Variants in ITPR2 observed in about 807,000 individuals in gnomAD.
ITPR2 encodes inositol 1,4,5-trisphosphate receptor type 2, also known as inositol 1,4,5-trisphosphate-gated calcium channel ITPR2.
Under a neutral mutation model 317.1 loss-of-function variants are expected in ITPR2, and 207 were observed. The observed-to-expected ratio is 0.65, with a 90% CI of 0.58 to 0.73. ITPR2 has a LOEUF of 0.73. ITPR2 is among the 30% of genes least tolerant of loss of function. The pLI, the probability that ITPR2 is intolerant of heterozygous loss-of-function variation, is 0.00. For synonymous variants in ITPR2, 1,156 were observed against 1,149.1 expected, an observed-to-expected ratio of 1.01 and a Z score of -0.12; for missense variants, 2,613 against 3,284.0, an observed-to-expected ratio of 0.80 and a Z score of 4.99.
At chr12:26,668,936 T>A (rs902804730) in intron 13 of ITPR2, among the ~76,000 whole-genome samples, 2 of 151,960 alleles carry the variant, frequency 1.3e-5, no homozygotes, top group East Asian at 1.9e-4. Context: ...CAGGGCAACA[T>A]AGTGAAACCC....
chr12:26,365,909 A>G (rs1177849417), intron 55 of ITPR2, among the ~76,000 whole-genome samples: 2 of 152,206 alleles, frequency 1.3e-5, no homozygotes, highest in African/African-American at 2.4e-5. Flanking sequence ...ATTCTTGCAC[A>G]CTGTCAAATT....
At chr12:26,673,678 T>A (rs1208606784) in intron 13 of ITPR2, among the ~76,000 whole-genome samples, 2 of 151,316 alleles carry the variant, frequency 1.3e-5, no homozygotes, top group Admixed American at 1.3e-4. Flanking sequence ...CAACATAGTG[T>A]TGGAAGTTCT....
chr12:26,442,835 A>G (rs145701018), intron 46 of ITPR2, among the ~76,000 whole-genome samples: 3,925 of 152,264 alleles, frequency 0.026, 72 homozygotes, highest in Non-Finnish European at 0.04. Flanking sequence ...ATATCTGCCA[A>G]AATGAATGAA....
At chr12:26,431,338 T>A (rs142188356) in intron 48 of ITPR2, among the ~76,000 whole-genome samples, 1 of 152,200 alleles carries the variant, frequency 6.6e-6, no homozygotes, top group Non-Finnish European at 1.5e-5. Flanking sequence ...TGGGTAGGGA[T>A]ATCTGGCGTG....
At position 26,484,341 on chromosome 12, in the gene ITPR2, T is replaced by A. The variant is rs114691211; in HGVS notation, c.5812-443A>T. Among the ~76,000 whole-genome samples, 523 of 152,152 alleles carry A rather than the reference T, an allele frequency of 3.4e-3. 4 individuals are homozygous for A. Among genetic ancestry groups the A allele is most frequent in the African/African-American group, 0.012 (503 of 41,524 alleles). On this transcript the variant is annotated intron_variant, in intron 41 of 56. Coordinates refer to ENST00000381340, the MANE Select transcript of ITPR2 (RefSeq NM_002223.4). ...AAATTTTCAATTATAAATAATCTCA[T>A]ATGAACAGTGCAACTTCATTGTTCA...
intron 52 of ITPR2, among the ~76,000 whole-genome samples, chr12:26,405,200 A>G (rs1452531456): frequency 1.3e-5 from 2 of 152,166 alleles, no homozygotes; most frequent in Non-Finnish European, 2.9e-5. Context: ...TGTTGCTTAT[A>G]AACAAAAGTA....
intron 32 of ITPR2, among the ~76,000 whole-genome samples, chr12:26,582,419 C>A (rs1406707197): frequency 6.6e-6 from 1 of 152,164 alleles, no homozygotes; most frequent in African/African-American, 2.4e-5. Flanking sequence ...ATATTATTCA[C>A]ATAACATTCT....
chr12:26,509,674 T>G (rs1435647971), intron 37 of ITPR2, among the ~76,000 whole-genome samples: 1 of 152,134 alleles, frequency 6.6e-6, no homozygotes, highest in Non-Finnish European at 1.5e-5. Flanking sequence ...TATGTGTCAA[T>G]TAGGAGCCAA....
chr12:26,653,917 T>C, intron 21 of ITPR2, 59 bp downstream of exon 21: 1 of 1,466,562 alleles, frequency 6.8e-7, no homozygotes, highest in African/African-American at 1.4e-5. Context: ...TGTAGTTTTG[T>C]TTTTTATCTT....
chr12:26,812,688 A>G (rs1315469926), intron 1 of ITPR2, among the ~76,000 whole-genome samples: 1 of 152,256 alleles, frequency 6.6e-6, no homozygotes, highest in Admixed American at 6.5e-5. Flanking sequence ...TTAACTCCAA[A>G]GGACCACTGA....
chr12:26,355,347 C>T (rs1938603521), intron 55 of ITPR2, among the ~76,000 whole-genome samples: 2 of 152,148 alleles, frequency 1.3e-5, no homozygotes, highest in African/African-American at 2.4e-5. Context: ...AAAGACTGCT[C>T]CAGTCAAAAC....
chr12:26,518,372 G>A (rs1189471348), intron 37 of ITPR2, among the ~76,000 whole-genome samples: 1 of 152,184 alleles, frequency 6.6e-6, no homozygotes, highest in East Asian at 1.9e-4. Flanking sequence ...CTACTTGAGG[G>A]TGGAGGGTGG....
At chr12:26,742,651 TA>T (rs2137085573) in intron 2 of ITPR2, among the ~76,000 whole-genome samples, 1 of 152,008 alleles carries the variant, frequency 6.6e-6, no homozygotes, top group East Asian at 1.9e-4. Flanking sequence ...CCTGTCTTAC[TA>T]AAAATACAAA....
chr12:26,621,640 T>C (rs1160055382), intron 25 of ITPR2, among the ~76,000 whole-genome samples: 1 of 152,196 alleles, frequency 6.6e-6, no homozygotes, highest in Non-Finnish European at 1.5e-5. Context: ...ATGTATTATA[T>C]GACATATACA....
At chr12:26,431,678 T>C (rs1043459084) in intron 48 of ITPR2, among the ~76,000 whole-genome samples, 1 of 152,200 alleles carries the variant, frequency 6.6e-6, no homozygotes, top group Non-Finnish European at 1.5e-5. Context: ...CTCCCTTAAA[T>C]GTCTCCATTT....
chr12:26,657,898 A>G lies in ITPR2; in HGVS notation c.2007-6T>C. 1 of 1,612,592 alleles carries G rather than the reference A, an allele frequency of 6.2e-7. No homozygotes were observed. Among genetic ancestry groups the G allele is most frequent in the East Asian group, 2.2e-5 (1 of 44,826 alleles). Reference sequence around the variant, plus strand: ...CTGCTTGCATTGAGACCACCCTTCAAATAAATAGCACATACAAAAATCTAC... The same window carrying G: ...CTGCTTGCATTGAGACCACCCTTCAGATAAATAGCACATACAAAAATCTAC... On this transcript the variant is annotated splice_region_variant and splice_polypyrimidine_tract_variant and intron_variant, in intron 17 of 56. Coordinates refer to ENST00000381340, the MANE Select transcript of ITPR2 (RefSeq NM_002223.4).
At chr12:26,687,449 T>C (rs1948148947) in intron 10 of ITPR2, among the ~76,000 whole-genome samples, 1 of 152,098 alleles carries the variant, frequency 6.6e-6, no homozygotes, top group African/African-American at 2.4e-5. Context: ...ACAGAAACAC[T>C]GTCACTGCAC....
chr12:26,623,744 T>C (rs1946556821), intron 24 of ITPR2, among the ~76,000 whole-genome samples: 1 of 152,154 alleles, frequency 6.6e-6, no homozygotes, highest in Non-Finnish European at 1.5e-5. Flanking sequence ...AATTTTTCTT[T>C]TTGATCACTA....
chr12:26,710,969 T>C (rs185191450), intron 9 of ITPR2, among the ~76,000 whole-genome samples: 130 of 152,360 alleles, frequency 8.5e-4, no homozygotes, highest in African/African-American at 3.0e-3. Flanking sequence ...TTTGTTGTTA[T>C]TATCGTTGTT....
Sources: allele counts gnomAD v4.1 joint callset (sites outside exome capture counted in the v4.1 genomes callset), GRCh38; gene constraint gnomAD v4.1.1; transcripts MANE v1.5; gene names NCBI Gene and HGNC (gene_info 2026-07-23, HGNC 2026-07-21).